The following AHNAK variants were observed in gnomAD, a reference collection of about 807,000 sequenced individuals.
AHNAK encodes AHNAK nucleoprotein, also known as neuroblast differentiation-associated protein AHNAK.
In AHNAK, 23 loss-of-function variants were observed where a neutral mutation model predicts 37.8. The observed-to-expected ratio is 0.61, with a 90% CI of 0.44 to 0.86. The LOEUF is 0.86. AHNAK is among the 40% of genes least tolerant of loss of function. AHNAK has a pLI of 0.00. For synonymous variants in AHNAK, 2,481 were observed against 2,636.3 expected (o/e 0.94, Z 1.80); for missense variants, 7,411 against 7,319.4 (o/e 1.01, Z -0.46).
chr11:62,485,752 A>G (rs764092148), intron 5 of AHNAK, among the ~76,000 whole-genome samples: 63 of 150,592 alleles, frequency 4.2e-4, no homozygotes, highest in Non-Finnish European at 6.0e-4. Context: ...GTGGTGGCTC[A>G]TGCCTGTAAT....
chr11:62,477,262 G>T (rs188724440), intron 5 of AHNAK, among the ~76,000 whole-genome samples: 21 of 152,210 alleles, frequency 1.4e-4, no homozygotes, highest in Non-Finnish European at 2.6e-4. Context: ...TGATTGTAAC[G>T]CTTCCTATTT....
chr11:62,443,275 C>CTTTTTTTTT (rs530619642), intron 5 of AHNAK, among the ~76,000 whole-genome samples: 3,676 of 99,538 alleles, frequency 0.037, 475 homozygotes, highest in African/African-American at 0.089. Flanking sequence ...TGCACCCGGC[C>CTTTTTTTTT]TTTTTTTTTT....
chr11:62,495,140 C>G (rs1476386777), intron 4 of AHNAK, among the ~76,000 whole-genome samples: 1 of 151,772 alleles, frequency 6.6e-6, no homozygotes, highest in African/African-American at 2.4e-5. Context: ...GCACTCTAGC[C>G]TAGGTGACAG....
At position 62,533,610 on chromosome 11, in the gene AHNAK, G is replaced by A; in HGVS notation, c.807C>T (p.Gly269=). The A allele has an allele frequency of 6.2e-7, 1 of 1,614,092 alleles. No individual in the cohort carries two copies. The highest frequency in any genetic ancestry group is 8.5e-7 in the Non-Finnish European group (1 of 1,180,006). The change falls in exon 5 of 5, where the codon GGC becomes GGT. Residue 269 remains glycine (G), a synonymous_variant. Coordinates refer to ENST00000378024, the MANE Select transcript of AHNAK (RefSeq NM_001620.3). The stretch of plus-strand genomic sequence containing the variant: ...CTGCTGGAACTTGGACCCCTCCTCT[G>A]CCACCCAAGTCCAAGCCCTTTGCAT... ...NVNAKGLDLG[G]RGGVQVPAVD...
intron 5 of AHNAK, among the ~76,000 whole-genome samples, chr11:62,456,170 C>A (rs1938654691): frequency 6.6e-6 from 1 of 152,154 alleles, no homozygotes; most frequent in African/African-American, 2.4e-5. Context: ...GGGAAGCTAA[C>A]CCTGCAGACA....
In AHNAK at chr11:62,533,889, A is replaced by T. The variant is rs1226300170; in HGVS notation, c.528T>A (p.Ser176Arg). Residue 176 changes from serine (S) to arginine (R), a missense_variant, in exon 5 of 5, where the codon AGT (serine) becomes AGA (arginine). Coordinates refer to ENST00000378024, the MANE Select transcript of AHNAK (RefSeq NM_001620.3). ...GREGAKDIDISSPEFKIKIPR... is the reference protein window; with the variant it reads ...GREGAKDIDIRSPEFKIKIPR... The stretch of plus-strand genomic sequence containing the variant: ...GAATCTTGATCTTGAATTCAGGGCT[A>T]CTGATGTCTATGTCCTTGGCTCCTT... The T allele has an allele frequency of 1.7e-5, 28 of 1,614,168 alleles. No homozygotes were observed. The highest frequency in any genetic ancestry group is 2.4e-5 in the Non-Finnish European group (28 of 1,180,026).
intron 5 of AHNAK, among the ~76,000 whole-genome samples, chr11:62,486,229 C>A (rs1031814732): frequency 6.6e-6 from 1 of 151,834 alleles, no homozygotes; most frequent in Non-Finnish European, 1.5e-5. Context: ...AATCCCAGCA[C>A]TTTGGGAGGC....
intron 1 of AHNAK, among the ~76,000 whole-genome samples, chr11:62,538,862 G>A (rs1941036065): frequency 6.6e-6 from 1 of 152,222 alleles, no homozygotes; most frequent in Non-Finnish European, 1.5e-5. Flanking sequence ...GGTGCTACAG[G>A]TGACCTCTGA....
chr11:62,440,203 T>C lies in AHNAK; in HGVS notation c.443-6312A>G, dbSNP rs74649471. 3.6e-4 allele frequency among the ~76,000 whole-genome samples: 55 copies of C among 152,194 alleles called. No individual in the cohort carries two copies. The East Asian group carries it at 0.01, about 28-fold the overall frequency. On this transcript the variant is annotated intron_variant, in intron 5 of 5. Coordinates refer to the AHNAK transcript ENST00000257247. The stretch of plus-strand genomic sequence containing the variant: ...GTGGCCGGGAGGTAGAATCGTGGCT[T>C]TCTCAAGCTCACAGGGGCCTTAGAT...
intron 5 of AHNAK, among the ~76,000 whole-genome samples, chr11:62,477,816 G>C (rs1334404716): frequency 6.6e-6 from 1 of 151,326 alleles, no homozygotes; most frequent in East Asian, 1.9e-4. Context: ...AAAAAAAAAA[G>C]TTATAAAAAG....
chr11:62,471,029 C>G (rs575232829), intron 5 of AHNAK, among the ~76,000 whole-genome samples: 34 of 152,082 alleles, frequency 2.2e-4, no homozygotes, highest in Non-Finnish European at 4.3e-4. Flanking sequence ...TATACCAATA[C>G]GAAAGAAGGC....
At chr11:62,479,440 T>C (rs992550713) in intron 5 of AHNAK, among the ~76,000 whole-genome samples, 8 of 148,094 alleles carry the variant, frequency 5.4e-5, no homozygotes, top group Non-Finnish European at 1.0e-4. Flanking sequence ...GTACTGGGAT[T>C]ACGGGCGTGA....
In AHNAK at chr11:62,526,892, T is replaced by C; in HGVS notation, c.7525A>G (p.Lys2509Glu). ...TTGGGCATTTTCATCTTGGGCATCT[T>C]CAGGTGCCAGTCTGGAGCTTGGACA... ...PDVQAPDWHL[K>E]MPKMKMPKFS... The change falls in exon 5 of 5, where the codon AAG becomes GAG. Residue 2509 changes from lysine (K) to glutamate (E), a missense_variant. Physicochemically the swap from Lys to Glu is moderately conservative, Grantham distance 56. Transcript: ENST00000378024. 1 of 1,614,190 alleles carries C rather than the reference T, an allele frequency of 6.2e-7. No homozygotes were observed. Among genetic ancestry groups the C allele is most frequent in the Non-Finnish European group, 8.5e-7 (1 of 1,180,026 alleles).
At chr11:62,449,751 G>T (rs899419121) in intron 5 of AHNAK, among the ~76,000 whole-genome samples, 2 of 152,162 alleles carry the variant, frequency 1.3e-5, no homozygotes, top group Non-Finnish European at 2.9e-5. Flanking sequence ...GTGGTGGTTC[G>T]TCCCGGCTCC....
downstream of AHNAK, among the ~76,000 whole-genome samples, chr11:62,515,013 C>T (rs767241287): frequency 1.1e-4 from 16 of 152,078 alleles, no homozygotes; most frequent in South Asian, 2.1e-4. Context: ...TAAGGAATGG[C>T]GAGGGGGACA....
rs114558090 is a variant in AHNAK, at chr11:62,519,217, G to A, written c.15200C>T (p.Pro5067Leu). 1.2e-5 allele frequency: 20 copies of A among 1,613,408 alleles called. No individual in the cohort carries two copies. The highest frequency in any genetic ancestry group is 2.7e-5 in the African/African-American group (2 of 74,948). ...APDVDVNIAGPDAALKVDVKS... is the reference protein window; with the variant it reads ...APDVDVNIAGLDAALKVDVKS... Reference sequence around the variant, plus strand: ...CACGTCGACTTTGAGTGCAGCATCCGGCCCTGCGATGTTGACATCTACATC... The same window carrying A: ...CACGTCGACTTTGAGTGCAGCATCCAGCCCTGCGATGTTGACATCTACATC... Residue 5067 changes from proline to leucine, a missense_variant, in exon 5 of 5, where the codon CCG (proline) becomes CTG (leucine). Pro to Leu is a moderately conservative substitution (Grantham distance 98). Coordinates refer to ENST00000378024, the MANE Select transcript of AHNAK (RefSeq NM_001620.3).
chr11:62,461,142 C>CTTT lies in AHNAK; in HGVS notation c.443-27252_443-27251insAAA, dbSNP rs1938776302. Among the ~76,000 whole-genome samples, 3 of 88,794 alleles carry CTTT rather than the reference C, an allele frequency of 3.4e-5. No individual in the cohort carries two copies. In the South Asian group the frequency reaches 1.7e-3, roughly 51 times the overall value. The allele number at this position is 88,794 out of a possible 152,430, so 58.3% of individuals were successfully genotyped here. A position where few individuals can be genotyped will look rare whatever the true frequency, so the allele number is the denominator to read the frequency against. On this transcript the variant is annotated intron_variant, in intron 5 of 5. Coordinates refer to the AHNAK transcript ENST00000257247. ...GGGCCACCACGCCCGGCCAAATTCCCCTTTTTTTTTTTTTTTTTTTTTGAG... is the reference window on the plus strand; with the variant it reads ...GGGCCACCACGCCCGGCCAAATTCCCTTTCTTTTTTTTTTTTTTTTTTTTTGAG...
At chr11:62,465,588 G>C (rs1938895112) in intron 5 of AHNAK, among the ~76,000 whole-genome samples, 1 of 151,948 alleles carries the variant, frequency 6.6e-6, no homozygotes, top group Non-Finnish European at 1.5e-5. Flanking sequence ...ACTCCAGCTT[G>C]GGTAACAGAG....
intron 5 of AHNAK, among the ~76,000 whole-genome samples, chr11:62,477,386 G>A (rs2134862145): frequency 6.6e-6 from 1 of 152,284 alleles, no homozygotes; most frequent in East Asian, 1.9e-4. Flanking sequence ...AGGAGAGAGA[G>A]AAGCAGAAAA....
Sources: allele counts gnomAD v4.1 joint callset (sites outside exome capture counted in the v4.1 genomes callset), GRCh38; gene constraint gnomAD v4.1.1; transcripts MANE v1.5; gene names NCBI Gene and HGNC (gene_info 2026-07-23, HGNC 2026-07-21).